FGF12: variants seen among roughly 807,000 people sequenced by gnomAD.
The protein encoded by FGF12 is fibroblast growth factor 12.
Under a neutral mutation model 23.6 loss-of-function variants are expected in FGF12, and 14 were observed. The observed-to-expected ratio is 0.59, with a 90% CI of 0.39 to 0.93. FGF12 has a LOEUF of 0.93. Among genes scored for constraint, FGF12 ranks in the 40% least tolerant of loss-of-function variants. The pLI, the probability that FGF12 is intolerant of heterozygous loss-of-function variation, is 0.00. For missense variants in FGF12, 175 were observed against 217.8 expected, an observed-to-expected ratio of 0.80 and a Z score of 1.24; for synonymous variants, 62 against 77.3, an observed-to-expected ratio of 0.80 and a Z score of 1.04.
Position 192,261,268 on chromosome 3 carries a change from T to C in FGF12, c.228+74093A>G, listed in dbSNP as rs144785721. ...AAACCTCAACTTCAAACGTTGGCCA[T>C]GGCCGAGGGTTTATGAAGCCACCCA... On this transcript the variant is annotated intron_variant, in intron 4 of 5. Coordinates refer to ENST00000445105, the MANE Select transcript of FGF12 (RefSeq NM_004113.6). 3.0e-3 allele frequency among the ~76,000 whole-genome samples: 451 copies of C among 152,278 alleles called. 4 individuals are homozygous for C. Among genetic ancestry groups the C allele is most frequent in the Middle Eastern group, 0.017 (5 of 294 alleles).
chr3:192,370,070 T>C (rs972617212), intron 2 of FGF12, among the ~76,000 whole-genome samples: 4 of 152,104 alleles, frequency 2.6e-5, no homozygotes, highest in Non-Finnish European at 5.9e-5. Flanking sequence ...ACCAGGTATG[T>C]AGCTGGGTGT....
chr3:192,629,399 A>G (rs1715302601), intron 2 of FGF12, among the ~76,000 whole-genome samples: 2 of 152,230 alleles, frequency 1.3e-5, no homozygotes, highest in Non-Finnish European at 2.9e-5. Context: ...AGAGTTTAAA[A>G]TGTTGGGGAG....
chr3:192,297,780 C>T (rs1473552642), intron 4 of FGF12, among the ~76,000 whole-genome samples: 4 of 152,096 alleles, frequency 2.6e-5, no homozygotes, highest in Admixed American at 2.6e-4. Context: ...TCTAACATCC[C>T]CAAAGTTAGC....
At chr3:192,255,494 G>T (rs1183759020) in intron 4 of FGF12, among the ~76,000 whole-genome samples, 2 of 151,752 alleles carry the variant, frequency 1.3e-5, no homozygotes, top group Non-Finnish European at 2.9e-5. Context: ...TGCACAGTAG[G>T]GATCATGTTA....
chr3:192,390,435 T>C (rs779649712), intron 2 of FGF12, among the ~76,000 whole-genome samples: 1 of 152,160 alleles, frequency 6.6e-6, no homozygotes, highest in Non-Finnish European at 1.5e-5. Flanking sequence ...AAGGTTTCTA[T>C]AGGAAAGTAA....
rs1236107420 is a variant in FGF12, at chr3:192,561,369, CT to C, written c.13+165811del. Among the ~76,000 whole-genome samples, 61 of 146,694 alleles carry C rather than the reference CT, an allele frequency of 4.2e-4. 1 individual carries two copies. In the South Asian group the frequency reaches 8.7e-3, roughly 21 times the overall value. ...AATGATGGTGAGAAACTTCACTTTT[CT>C]TTTTTTTTTTGAGACAGAGTCTCGC... is the stretch of plus-strand genomic sequence containing the variant. On this transcript the variant is annotated intron_variant, in intron 2 of 5. Transcript: ENST00000445105.
intron 2 of FGF12, among the ~76,000 whole-genome samples, chr3:192,543,024 C>G (rs1378498589): frequency 6.6e-6 from 1 of 152,106 alleles, no homozygotes; most frequent in Non-Finnish European, 1.5e-5. Context: ...CCTATGCTCA[C>G]CCAAATCCCT....
intron 3 of FGF12, among the ~76,000 whole-genome samples, chr3:192,341,397 T>C (rs2108708563): frequency 6.6e-6 from 1 of 152,272 alleles, no homozygotes; most frequent in Non-Finnish European, 1.5e-5. Flanking sequence ...AAATTATATA[T>C]CCATAATAAT....
chr3:192,361,731 C>A (rs1345754600), intron 2 of FGF12, among the ~76,000 whole-genome samples: 1 of 152,112 alleles, frequency 6.6e-6, no homozygotes, highest in African/African-American at 2.4e-5. Context: ...GTGATTAATT[C>A]TTTGAGAATT....
intron 2 of FGF12, among the ~76,000 whole-genome samples, chr3:192,673,522 G>A (rs1717209601): frequency 6.6e-6 from 1 of 150,680 alleles, no homozygotes; most frequent in Non-Finnish European, 1.5e-5. Context: ...TTAGCCATTA[G>A]TCCTGATGCT....
chr3:192,274,152 G>C (rs1467591427), intron 4 of FGF12, among the ~76,000 whole-genome samples: 3 of 151,386 alleles, frequency 2.0e-5, no homozygotes, highest in Non-Finnish European at 4.4e-5. Context: ...AGTTAATAAA[G>C]ATTATTTGCT....
chr3:192,291,199 GT>G (rs1714739539), intron 4 of FGF12, among the ~76,000 whole-genome samples: 1 of 152,090 alleles, frequency 6.6e-6, no homozygotes, highest in African/African-American at 2.4e-5. Context: ...TGATATATGT[GT>G]ATATATTTTT....
intron 5 of FGF12, among the ~76,000 whole-genome samples, chr3:192,144,463 T>C (rs1286676669): frequency 2.0e-5 from 3 of 152,178 alleles, no homozygotes; most frequent in African/African-American, 7.2e-5. Flanking sequence ...CGCTTTTTGG[T>C]CCTTAGTCTG....
In FGF12 at chr3:192,409,371, C is replaced by A. The variant is rs545014900; in HGVS notation, c.14-48833G>T. Among the ~76,000 whole-genome samples the A allele has an allele frequency of 1.3e-5, 2 of 152,158 alleles. No individual in the cohort carries two copies. ...CATGGTCCACCCGGGGCCGCCGCAC[C>A]GAGCTGGTCTCCGCACAGGCTCAGA... is the stretch of plus-strand genomic sequence containing the variant. On this transcript the variant is annotated intron_variant, in intron 2 of 5. Coordinates refer to ENST00000445105, the MANE Select transcript of FGF12 (RefSeq NM_004113.6). This position sits in a 1 kb window ranked among gnomAD's most constrained non-coding sequence, Gnocchi z 4.8.
intron 2 of FGF12, among the ~76,000 whole-genome samples, chr3:192,386,201 T>G (rs1374045170): frequency 1.3e-5 from 2 of 152,230 alleles, no homozygotes; most frequent in African/African-American, 2.4e-5. Flanking sequence ...CACGCTGACT[T>G]CAATACATAC....
At chr3:192,722,781 G>T (rs755540261) in intron 2 of FGF12, among the ~76,000 whole-genome samples, 6 of 152,154 alleles carry the variant, frequency 3.9e-5, no homozygotes, top group Non-Finnish European at 7.4e-5. Flanking sequence ...AATGTTAAAG[G>T]CTCAGATTTT....
chr3:192,403,938 A>C (rs1418489720), intron 2 of FGF12, among the ~76,000 whole-genome samples: 1 of 152,182 alleles, frequency 6.6e-6, no homozygotes, highest in African/African-American at 2.4e-5. Flanking sequence ...TATTTTGAAT[A>C]ACCATAATTT....
chr3:192,656,302 C>A (rs1716416735), intron 2 of FGF12, among the ~76,000 whole-genome samples: 3 of 92,024 alleles, frequency 3.3e-5, no homozygotes, highest in Admixed American at 2.8e-4. Context: ...CACACACACA[C>A]ACACACACAC....
chr3:192,659,046 G>A (rs1298046898), intron 2 of FGF12, among the ~76,000 whole-genome samples: 1 of 152,122 alleles, frequency 6.6e-6, no homozygotes, highest in Non-Finnish European at 1.5e-5. Context: ...GGACAAATCA[G>A]GCTTGAAAGT....
Sources: gnomAD v4.1 joint callset for allele counts (sites outside exome capture counted in the v4.1 genomes callset) on GRCh38, gnomAD v4.1.1 for gene constraint, Gnocchi (gnomAD v3.1) non-coding constraint, MANE v1.5 for transcripts, NCBI Gene and HGNC (gene_info 2026-07-23, HGNC 2026-07-21) for gene names.